The following ADAMTS17 variants were observed in gnomAD, a reference collection of about 807,000 sequenced individuals.
ADAMTS17 encodes the protein A disintegrin and metalloproteinase with thrombospondin motifs 17.
A neutral mutation model predicts 141.5 loss-of-function variants in ADAMTS17; 113 were observed. The observed-to-expected ratio is 0.80, with a 90% CI of 0.69 to 0.93. The LOEUF (loss-of-function observed/expected upper bound fraction) is 0.93. Ranked by LOEUF, ADAMTS17 falls within the 40% of genes least tolerant of loss-of-function variation. ADAMTS17 has a pLI of 0.00. For synonymous variants in ADAMTS17, 768 were observed against 630.6 expected (o/e 1.22, Z -3.27); for missense variants, 1,659 against 1,517.9 (o/e 1.09, Z -1.54).
intron 3 of ADAMTS17, among the ~76,000 whole-genome samples, chr15:100,283,418 T>C (rs1037787912): frequency 2.0e-5 from 3 of 152,258 alleles, no homozygotes; most frequent in Non-Finnish European, 4.4e-5. Flanking sequence ...CTGGAATCTA[T>C]GAAGATTCCT....
At position 99,973,790 on chromosome 15, in the gene ADAMTS17, C is replaced by T. The variant is rs574728895; in HGVS notation, c.*612G>A. 3.8e-5 allele frequency: 7 copies of T among 183,202 alleles called. No homozygotes were observed. The highest frequency in any genetic ancestry group is 1.4e-4 in the East Asian group (1 of 7,080). 11.3% of individuals were successfully genotyped at this position (183,202 alleles called of 1,614,324 possible). On this transcript the variant is annotated 3_prime_UTR_variant, in exon 22 of 22. Transcript: ENST00000268070. The stretch of plus-strand genomic sequence containing the variant: ...CTGGCATATATAGATTTACACTCCA[C>T]GCACGAGACTTCCAAGGCAACACCT...
At chr15:99,983,544 C>G (rs1429980319) in intron 20 of ADAMTS17, among the ~76,000 whole-genome samples, 1 of 152,164 alleles carries the variant, frequency 6.6e-6, no homozygotes, top group South Asian at 2.1e-4. Flanking sequence ...CAGATCCCAA[C>G]AGGATGTTTT....
chr15:100,057,851 G>C (rs537607549), intron 15 of ADAMTS17, among the ~76,000 whole-genome samples: 1 of 152,078 alleles, frequency 6.6e-6, no homozygotes, highest in East Asian at 1.9e-4. Context: ...GAGAGAAACC[G>C]TTTCTCCTGT....
Position 100,214,133 on chromosome 15 carries a change from G to A in ADAMTS17, c.1076-14710C>T, listed in dbSNP as rs192362968. ...CTGGCGCCCTCCTGAATGGAACCCCGGAGTAGCTCCCATGTGGAAGAGTCC... is the reference window on the plus strand; with the variant it reads ...CTGGCGCCCTCCTGAATGGAACCCCAGAGTAGCTCCCATGTGGAAGAGTCC... On this transcript the variant is annotated intron_variant, in intron 7 of 21. Transcript: ENST00000268070. Among the ~76,000 whole-genome samples the A allele has an allele frequency of 3.0e-4, 45 of 152,166 alleles. No individual in the cohort carries two copies. The East Asian group carries it at 6.6e-3, about 22-fold the overall frequency.
At chr15:99,976,474 C>G (rs1351313226) in intron 20 of ADAMTS17, 7 of 601,808 alleles carry the variant, frequency 1.2e-5, no homozygotes, top group Non-Finnish European at 2.1e-5. Flanking sequence ...GTGTGTCATG[C>G]CCAGGCACTT....
intron 18 of ADAMTS17, among the ~76,000 whole-genome samples, chr15:100,030,627 A>T (rs2030056740): frequency 1.3e-5 from 2 of 152,174 alleles, no homozygotes; most frequent in South Asian, 4.1e-4. Flanking sequence ...CCTGCTGATG[A>T]TACTATCTAA....
chr15:100,303,503 C>A (rs917993385), intron 3 of ADAMTS17, among the ~76,000 whole-genome samples: 4 of 151,778 alleles, frequency 2.6e-5, no homozygotes, highest in Non-Finnish European at 4.4e-5. Flanking sequence ...GTTGCTTGTG[C>A]TTTGGGTACC....
chr15:100,062,675 G>A (rs1043196513), intron 15 of ADAMTS17, among the ~76,000 whole-genome samples: 2 of 152,162 alleles, frequency 1.3e-5, no homozygotes, highest in African/African-American at 4.8e-5. Context: ...GGGTAACTTC[G>A]ATTTAGCTAA....
At chr15:100,038,921 C>T (rs2031001608) in intron 18 of ADAMTS17, among the ~76,000 whole-genome samples, 1 of 152,218 alleles carries the variant, frequency 6.6e-6, no homozygotes, top group Non-Finnish European at 1.5e-5. Flanking sequence ...TTCCGTCTTT[C>T]ACTTTAAGTA....
In ADAMTS17 at chr15:100,261,528, C is replaced by A. The variant is rs768922225; in HGVS notation, c.982G>T (p.Gly328Cys). The change falls in exon 6 of 22, where the codon GGC becomes TGC. Residue 328 changes from glycine to cysteine, a missense_variant. Coordinates refer to ENST00000268070, the MANE Select transcript of ADAMTS17 (RefSeq NM_139057.4). Reference protein sequence around the residue: ...ARYLGNNQVPGGKDDPPLVDA... With the variant: ...ARYLGNNQVPCGKDDPPLVDA... ...ACCAGGGGCGGGTCGTCCTTCCCGCCGGGAACCTGGTTATTGCCGAGGTAT... is the reference window on the plus strand; with the variant it reads ...ACCAGGGGCGGGTCGTCCTTCCCGCAGGGAACCTGGTTATTGCCGAGGTAT... 24 of 1,614,188 alleles carry A rather than the reference C, an allele frequency of 1.5e-5. No individual in the cohort carries two copies. Among genetic ancestry groups the A allele is most frequent in the South Asian group, 4.4e-5 (4 of 91,082 alleles).
intron 4 of ADAMTS17, among the ~76,000 whole-genome samples, chr15:100,272,886 G>A (rs1019051482): frequency 3.3e-5 from 5 of 151,836 alleles, no homozygotes; most frequent in Non-Finnish European, 7.4e-5. Context: ...CTAGTCTATT[G>A]AGTGCTTTTA....
At chr15:100,186,413 A>C (rs1370018136) in intron 8 of ADAMTS17, among the ~76,000 whole-genome samples, 3 of 152,204 alleles carry the variant, frequency 2.0e-5, no homozygotes. Flanking sequence ...ATGAAATGCA[A>C]TCACGCATTG....
At chr15:100,090,551 TTC>T (rs1348265843) in intron 15 of ADAMTS17, among the ~76,000 whole-genome samples, 9 of 152,188 alleles carry the variant, frequency 5.9e-5, no homozygotes, top group Admixed American at 5.9e-4. Flanking sequence ...GACATCCGTT[TTC>T]TGTCTTTTCT....
intron 7 of ADAMTS17, among the ~76,000 whole-genome samples, chr15:100,203,253 A>T (rs1156492357): frequency 1.3e-5 from 2 of 152,342 alleles, no homozygotes; most frequent in East Asian, 1.9e-4. Flanking sequence ...CACTCTTGAA[A>T]AAATCTGAAA....
intron 8 of ADAMTS17, among the ~76,000 whole-genome samples, chr15:100,168,894 A>G (rs1388459981): frequency 6.6e-6 from 1 of 151,880 alleles, no homozygotes; most frequent in Admixed American, 6.6e-5. Flanking sequence ...GATTCAGAGG[A>G]CCCTCCCCTT....
chr15:100,038,601 A>C (rs1268771108), intron 18 of ADAMTS17, among the ~76,000 whole-genome samples: 1 of 152,030 alleles, frequency 6.6e-6, no homozygotes, highest in Non-Finnish European at 1.5e-5. Context: ...TTATAGGTGG[A>C]TTTTTTTCTT....
intron 18 of ADAMTS17, among the ~76,000 whole-genome samples, chr15:100,006,355 G>T (rs1475196350): frequency 6.6e-6 from 1 of 152,156 alleles, no homozygotes; most frequent in Non-Finnish European, 1.5e-5. Context: ...AAAAAACTCA[G>T]CTCCTATTTA....
intron 20 of ADAMTS17, among the ~76,000 whole-genome samples, chr15:99,982,788 C>T (rs924554962): frequency 4.6e-5 from 7 of 152,290 alleles, no homozygotes; most frequent in African/African-American, 1.7e-4. Flanking sequence ...TGAAAAGCTC[C>T]TTGCCGGGAA....
At position 99,990,429 on chromosome 15, in the gene ADAMTS17, T is replaced by A. The variant is rs1399918866; in HGVS notation, c.2949+2619A>T. ...AGCTCCATACTAAGCTTTATTAACATCCAAGTAACTGTGTGACGTCCCTGT... is the reference window on the plus strand; with the variant it reads ...AGCTCCATACTAAGCTTTATTAACAACCAAGTAACTGTGTGACGTCCCTGT... On this transcript the variant is annotated intron_variant, in intron 20 of 21. Coordinates refer to ENST00000268070, the MANE Select transcript of ADAMTS17 (RefSeq NM_139057.4). Among the ~76,000 whole-genome samples the A allele has an allele frequency of 5.3e-5, 8 of 152,222 alleles. No individual in the cohort carries two copies. In the South Asian group the frequency reaches 1.2e-3, roughly 24 times the overall value.
Sources: allele counts gnomAD v4.1 joint callset (sites outside exome capture counted in the v4.1 genomes callset), GRCh38; gene constraint gnomAD v4.1.1; transcripts MANE v1.5; gene names NCBI Gene and HGNC (gene_info 2026-07-23, HGNC 2026-07-21).